The following CACNA2D4 variants were observed in gnomAD, a reference collection of about 807,000 sequenced individuals.
CACNA2D4 encodes the protein calcium voltage-gated channel auxiliary subunit alpha2delta 4.
CACNA2D4 carries 157 observed loss-of-function variants against 163.8 expected under a neutral mutation model. That is an observed-to-expected ratio of 0.96 (90% confidence interval 0.84 to 1.09). CACNA2D4 has a LOEUF of 1.09. Among genes scored for constraint, CACNA2D4 ranks in the 50% least tolerant of loss-of-function variants. The pLI is 0.00. For missense variants in CACNA2D4, 1,410 were observed against 1,479.9 expected (o/e 0.95, Z 0.78); for synonymous variants, 598 against 586.9 (o/e 1.02, Z -0.27).
intron 26 of CACNA2D4, among the ~76,000 whole-genome samples, chr12:1,822,822 C>G (rs1864160617): frequency 6.6e-6 from 1 of 152,148 alleles, no homozygotes; most frequent in South Asian, 2.1e-4. Context: ...CGGAGCCCAG[C>G]CTAGACGGCT....
chr12:1,864,185 C>A (rs1865589690), intron 18 of CACNA2D4, among the ~76,000 whole-genome samples: 1 of 152,210 alleles, frequency 6.6e-6, no homozygotes, highest in Admixed American at 6.5e-5. Flanking sequence ...GGTGAGCCGA[C>A]CTTCAGGCTC....
intron 26 of CACNA2D4, among the ~76,000 whole-genome samples, chr12:1,812,428 C>T (rs965398811): frequency 1.3e-5 from 2 of 152,200 alleles, no homozygotes; most frequent in African/African-American, 4.8e-5. Context: ...GCTCACATAT[C>T]CAGAGAAATC....
In CACNA2D4 at chr12:1,797,423, G is replaced by T; in HGVS notation, c.3108C>A (p.Cys1036Ter). The stretch of plus-strand genomic sequence containing the variant: ...GCGCCGCCCTGCGGTCTTACTTCTG[G>T]CAGGGCCCGCACTCCACGATCCCGT... The part of the protein sequence containing the change: ...EANGIVECGP[C>*]QKVFVVQQIP... Residue 1036 changes from cysteine to a stop codon, truncating the protein, a stop_gained, in exon 35 of 38, where the codon TGC becomes TGA. Coordinates refer to ENST00000382722, the MANE Select transcript of CACNA2D4 (RefSeq NM_172364.5). LOFTEE classifies it high-confidence loss of function. 1 of 1,542,302 alleles carries T rather than the reference G, an allele frequency of 6.5e-7. No homozygotes were observed. Among genetic ancestry groups the T allele is most frequent in the Non-Finnish European group, 8.7e-7 (1 of 1,148,012 alleles).
In CACNA2D4 at chr12:1,875,203, G is replaced by A. The variant is rs749667460; in HGVS notation, c.1806+48C>T. On this transcript the variant is annotated intron_variant, in intron 17 of 37. Coordinates refer to ENST00000382722, the MANE Select transcript of CACNA2D4 (RefSeq NM_172364.5). The surrounding 1 kb of genome is among the most constrained non-coding windows in gnomAD (Gnocchi z 4.0). Reference sequence around the variant, plus strand: ...AGCCACACAGCTGACCCATTTAGTTGGATGTAGAGCCTAACTAGCTTCCCT... The same window carrying A: ...AGCCACACAGCTGACCCATTTAGTTAGATGTAGAGCCTAACTAGCTTCCCT... 5 of 1,327,286 alleles carry A rather than the reference G, an allele frequency of 3.8e-6. No individual in the cohort carries two copies. The African/African-American group carries it at 5.8e-5, about 15-fold the overall frequency. 82.2% of individuals were successfully genotyped at this position (1,327,286 alleles called of 1,614,324 possible).
intron 14 of CACNA2D4, 58 bp downstream of exon 14, chr12:1,879,746 G>T: frequency 7.5e-7 from 1 of 1,339,366 alleles, no homozygotes; most frequent in Non-Finnish European, 1.0e-6. Flanking sequence ...GTCTAAAGAT[G>T]GCACTGAAGC....
Position 1,834,507 on chromosome 12 carries a change from G to A in CACNA2D4, c.2551+6232C>T, listed in dbSNP as rs1457619081. 7.5e-6 allele frequency: 12 copies of A among 1,607,142 alleles called. No homozygotes were observed. Among genetic ancestry groups the A allele is most frequent in the East Asian group, 4.5e-5 (2 of 44,888 alleles). ...GCCTGCCCACAGAAGCAGAGGCACC[G>A]GCCGGCGAGCGTGAGGCGAGCCATG... On this transcript the variant is annotated intron_variant, in intron 26 of 37. Transcript: ENST00000382722. This position sits in a 1 kb window ranked among gnomAD's most constrained non-coding sequence, Gnocchi z 7.6.
chr12:1,888,328 C>G (rs920535246), intron 6 of CACNA2D4, among the ~76,000 whole-genome samples: 1 of 152,128 alleles, frequency 6.6e-6, no homozygotes, highest in Non-Finnish European at 1.5e-5. Flanking sequence ...GAAACAGAAG[C>G]GAATTTTCTT....
intron 29 of CACNA2D4, among the ~76,000 whole-genome samples, chr12:1,803,857 G>C (rs1863422298): frequency 6.6e-6 from 1 of 152,188 alleles, no homozygotes; most frequent in Non-Finnish European, 1.5e-5. Context: ...TCTCAGACAT[G>C]GCTGGCTGAA....
intron 6 of CACNA2D4, among the ~76,000 whole-genome samples, chr12:1,894,694 G>T (rs893774575): frequency 1.3e-5 from 2 of 152,130 alleles, no homozygotes; most frequent in African/African-American, 4.8e-5. Flanking sequence ...ATTGCTTCAT[G>T]ATTAGAAACT....
At chr12:1,814,873 G>A (rs748095153) in intron 26 of CACNA2D4, among the ~76,000 whole-genome samples, 8 of 152,038 alleles carry the variant, frequency 5.3e-5, no homozygotes, top group Admixed American at 3.9e-4. Flanking sequence ...CTCTAATGTC[G>A]TCCCATTGCT....
At chr12:1,899,956 G>A (rs937822562) in intron 6 of CACNA2D4, among the ~76,000 whole-genome samples, 3 of 152,070 alleles carry the variant, frequency 2.0e-5, no homozygotes, top group African/African-American at 7.2e-5. Context: ...GGAATGCAAG[G>A]ATTGGTTAAC....
intron 13 of CACNA2D4, among the ~76,000 whole-genome samples, chr12:1,882,213 C>T (rs1301125933): frequency 6.6e-6 from 1 of 152,188 alleles, no homozygotes; most frequent in Admixed American, 6.5e-5. Context: ...CCAGAGAGCT[C>T]GTGGTCAGCT....
At chr12:1,839,311 G>A (rs530691389) in intron 26 of CACNA2D4, among the ~76,000 whole-genome samples, 43 of 152,338 alleles carry the variant, frequency 2.8e-4, no homozygotes, top group African/African-American at 8.9e-4. Context: ...ACACAGCTGG[G>A]TCCCAGGTAC....
intron 12 of CACNA2D4, 131 bp downstream of exon 12, chr12:1,884,112 C>T: frequency 1.5e-6 from 1 of 663,826 alleles, no homozygotes; most frequent in Non-Finnish European, 2.6e-6. Context: ...ACTGAGGCTG[C>T]TGTTCTTGAC....
intron 26 of CACNA2D4, among the ~76,000 whole-genome samples, chr12:1,816,177 C>T (rs1028468093): frequency 6.6e-6 from 1 of 152,214 alleles, no homozygotes; most frequent in Non-Finnish European, 1.5e-5. Flanking sequence ...CTCCCATCAT[C>T]TCCTGCTAGC....
At position 1,858,602 on chromosome 12, in the gene CACNA2D4, A is replaced by G. The variant is rs762401280; in HGVS notation, c.1983T>C (p.Leu661=). The G allele has an allele frequency of 7.4e-6, 12 of 1,613,072 alleles. No homozygotes were observed. Among genetic ancestry groups the G allele is most frequent in the Admixed American group, 1.7e-5 (1 of 59,898 alleles). Residue 661 remains leucine (L), a synonymous_variant, in exon 20 of 38, where the codon CTT becomes CTC. Transcript: ENST00000382722. ...CTTCTTCCACAGACGTGTTCCCCAG[A>G]AGGATGTATTCTCCGTGGCCCCGGG... ...VLSRGHGEYI[L]LGNTSVEEGL...
chr12:1,845,676 G>A (rs1242365296), intron 24 of CACNA2D4, among the ~76,000 whole-genome samples: 2 of 152,102 alleles, frequency 1.3e-5, no homozygotes, highest in Admixed American at 1.3e-4. Flanking sequence ...GGCACCGCTC[G>A]GCCCCTAACC....
In CACNA2D4 at chr12:1,833,001, G is replaced by A. The variant is rs931684657; in HGVS notation, c.2551+7738C>T. Among the ~76,000 whole-genome samples the A allele has an allele frequency of 3.3e-5, 5 of 152,178 alleles. No individual in the cohort carries two copies. Among genetic ancestry groups the A allele is most frequent in the East Asian group, 1.9e-4 (1 of 5,192 alleles). ...GATGTGAGGTTTGCTGCAGGCCACC[G>A]AGGTGTCAGCCGCACAGGGGAACTA... On this transcript the variant is annotated intron_variant, in intron 26 of 37. Coordinates refer to ENST00000382722, the MANE Select transcript of CACNA2D4 (RefSeq NM_172364.5). This position sits in a 1 kb window ranked among gnomAD's most constrained non-coding sequence, Gnocchi z 4.2.
chr12:1,864,563 GTGCCTGC>G (rs1020393119), intron 18 of CACNA2D4, among the ~76,000 whole-genome samples: 1 of 152,210 alleles, frequency 6.6e-6, no homozygotes, highest in African/African-American at 2.4e-5. Flanking sequence ...CAGCAGCTCT[GTGCCTGC>G]TGCCGTGCGG....
Sources: gnomAD v4.1 joint callset for allele counts (sites outside exome capture counted in the v4.1 genomes callset) on GRCh38, gnomAD v4.1.1 for gene constraint, Gnocchi (gnomAD v3.1) non-coding constraint, MANE v1.5 for transcripts, NCBI Gene and HGNC (gene_info 2026-07-23, HGNC 2026-07-21) for gene names.